SMOC1: variants seen among roughly 807,000 people sequenced by gnomAD.
SMOC1 encodes SPARC-related modular calcium-binding protein 1.
A neutral mutation model predicts 56.3 loss-of-function variants in SMOC1; 22 were observed. The observed-to-expected ratio is 0.39, with a 90% CI of 0.28 to 0.56. SMOC1 has a LOEUF of 0.56. Among genes scored for constraint, SMOC1 ranks in the 20% least tolerant of loss-of-function variants. The pLI is 0.61. For missense variants in SMOC1, 509 were observed against 565.4 expected, an observed-to-expected ratio of 0.90 and a Z score of 1.01; for synonymous variants, 193 against 215.0, an observed-to-expected ratio of 0.90 and a Z score of 0.89.
chr14:70,027,724 G>A (rs926196600), intron 11 of SMOC1, among the ~76,000 whole-genome samples: 2 of 152,206 alleles, frequency 1.3e-5, no homozygotes, highest in Non-Finnish European at 2.9e-5. Flanking sequence ...GCAAAGTGGA[G>A]ATTATAGTAC....
chr14:69,936,133 T>G (rs139841334), intron 1 of SMOC1, among the ~76,000 whole-genome samples: 229 of 152,298 alleles, frequency 1.5e-3, no homozygotes, highest in Non-Finnish European at 1.5e-3. Flanking sequence ...ATTCTCCCAG[T>G]TGACGACATA....
intron 6 of SMOC1, among the ~76,000 whole-genome samples, chr14:69,993,543 C>A (rs1442456284): frequency 6.6e-6 from 1 of 152,220 alleles, no homozygotes; most frequent in African/African-American, 2.4e-5. Context: ...AAAAAGAAAT[C>A]ATGCCACGGG....
chr14:70,009,223 AT>A (rs1885250394), intron 7 of SMOC1, among the ~76,000 whole-genome samples: 2 of 152,128 alleles, frequency 1.3e-5, no homozygotes, highest in Admixed American at 6.5e-5. Flanking sequence ...GCCCTCAGAT[AT>A]TTTTATGCCC....
At position 70,008,011 on chromosome 14, in the gene SMOC1, A is replaced by G. The variant is rs8013344; in HGVS notation, c.665-2743A>G. 6.1e-3 allele frequency among the ~76,000 whole-genome samples: 926 copies of G among 152,340 alleles called. 3 individuals are homozygous for G. The highest frequency in any genetic ancestry group is 0.021 in the African/African-American group (879 of 41,582). ...GATACTGTAATGAAGTAGTAAATCAATAATAAAAATAATAAAATAAAAAAG... is the reference window on the plus strand; with the variant it reads ...GATACTGTAATGAAGTAGTAAATCAGTAATAAAAATAATAAAATAAAAAAG... On this transcript the variant is annotated intron_variant, in intron 7 of 11. Coordinates refer to ENST00000361956, the MANE Select transcript of SMOC1 (RefSeq NM_001034852.3).
At chr14:69,987,380 G>C (rs1884403727) in intron 5 of SMOC1, among the ~76,000 whole-genome samples, 1 of 152,098 alleles carries the variant, frequency 6.6e-6, no homozygotes, top group Non-Finnish European at 1.5e-5. Flanking sequence ...ATTCTCCAAG[G>C]CTTCTCAGTC....
At chr14:69,973,570 G>A (rs984294229) in intron 3 of SMOC1, among the ~76,000 whole-genome samples, 1 of 152,194 alleles carries the variant, frequency 6.6e-6, no homozygotes, top group African/African-American at 2.4e-5. Context: ...TGTGGGACAT[G>A]GTACTGGGGT....
intron 1 of SMOC1, among the ~76,000 whole-genome samples, chr14:69,939,377 A>T (rs1882464556): frequency 1.3e-5 from 2 of 152,222 alleles, no homozygotes; most frequent in Admixed American, 6.5e-5. Flanking sequence ...ACAGCATGGG[A>T]AAAAACCACC....
Position 69,952,122 on chromosome 14 carries a change from CT to C in SMOC1, c.100-10del. On this transcript the variant is annotated splice_polypyrimidine_tract_variant and intron_variant, in intron 1 of 11. Coordinates refer to ENST00000361956, the MANE Select transcript of SMOC1 (RefSeq NM_001034852.3). ...CAAAAGTAACCTCTGTACCCTTTCA[CT>C]TTTTTCCAACCTAGTTTCTAATAAG... The C allele has an allele frequency of 2.5e-6, 4 of 1,614,112 alleles. No homozygotes were observed. The highest frequency in any genetic ancestry group is 1.3e-5 in the African/African-American group (1 of 75,040).
At chr14:70,006,959 G>A (rs1019707724) in intron 7 of SMOC1, among the ~76,000 whole-genome samples, 4 of 152,198 alleles carry the variant, frequency 2.6e-5, no homozygotes, top group Non-Finnish European at 5.9e-5. Context: ...CATTCTATTG[G>A]CCAAAGCAAA....
chr14:69,896,426 G>T (rs1884100909), intron 1 of SMOC1, among the ~76,000 whole-genome samples: 1 of 152,168 alleles, frequency 6.6e-6, no homozygotes, highest in Admixed American at 6.5e-5. Context: ...TTCAAGAAAA[G>T]AAAGATATTA....
chr14:69,952,165 T>G lies in SMOC1; in HGVS notation c.127T>G (p.Cys43Gly). 1 of 1,614,202 alleles carries G rather than the reference T, an allele frequency of 6.2e-7. No individual in the cohort carries two copies. The highest frequency in any genetic ancestry group is 2.2e-5 in the East Asian group (1 of 44,886). ...TCTAATAAGTGACCGTGACCCACAG[T>G]GCAACCTCCACTGCTCCAGGACTCA... ...RFLISDRDPQ[C>G]NLHCSRTQPK... Residue 43 changes from cysteine to glycine, a missense_variant, in exon 2 of 12, where the codon TGC becomes GGC. This residue lies in a region of SMOC1 where 315 missense variants were observed against 333.1 expected (regional missense o/e 0.95). Coordinates refer to ENST00000361956, the MANE Select transcript of SMOC1 (RefSeq NM_001034852.3).
rs770959237 is a variant in SMOC1, at chr14:70,010,741, T to A, written c.665-13T>A. The A allele has an allele frequency of 3.1e-6, 5 of 1,612,732 alleles. No homozygotes were observed. The highest frequency in any genetic ancestry group is 3.4e-6 in the Non-Finnish European group (4 of 1,178,684). On this transcript the variant is annotated splice_polypyrimidine_tract_variant and intron_variant, in intron 7 of 11. Transcript: ENST00000361956. ...GGAGTGATAGTCACCACAGGCTGTG[T>A]CTTCTCTTGCAGAGAAAGTCTATTC... is the stretch of plus-strand genomic sequence containing the variant.
chr14:69,941,341 G>A lies in SMOC1; in HGVS notation c.100-10797G>A, dbSNP rs553274030. 7.2e-5 allele frequency among the ~76,000 whole-genome samples: 11 copies of A among 152,294 alleles called. No individual in the cohort carries two copies. In the South Asian group the frequency reaches 2.3e-3, roughly 32 times the overall value. Reference sequence around the variant, plus strand: ...TAACCACCTCTCAGGAGGAGGCAGCGTGCATGTAGATGCCTAGTGTAGCAC... The same window carrying A: ...TAACCACCTCTCAGGAGGAGGCAGCATGCATGTAGATGCCTAGTGTAGCAC... On this transcript the variant is annotated intron_variant, in intron 1 of 11. Coordinates refer to ENST00000361956, the MANE Select transcript of SMOC1 (RefSeq NM_001034852.3).
chr14:69,961,124 T>A (rs1249753249), intron 3 of SMOC1, among the ~76,000 whole-genome samples: 1 of 151,900 alleles, frequency 6.6e-6, no homozygotes, highest in Non-Finnish European at 1.5e-5. Context: ...ATGATTTGCT[T>A]ATTCTGGACA....
chr14:69,948,341 A>G (rs910994837), intron 1 of SMOC1, among the ~76,000 whole-genome samples: 3 of 152,170 alleles, frequency 2.0e-5, no homozygotes, highest in African/African-American at 7.2e-5. Flanking sequence ...TGAACTTTTT[A>G]TTTGGCCTTA....
intron 1 of SMOC1, among the ~76,000 whole-genome samples, chr14:69,899,649 G>A (rs902669054): frequency 2.0e-5 from 3 of 152,176 alleles, no homozygotes; most frequent in Non-Finnish European, 2.9e-5. Context: ...AAATGGCAAG[G>A]AGATTTTTCT....
intron 10 of SMOC1, among the ~76,000 whole-genome samples, chr14:70,018,399 T>G (rs1305925887): frequency 6.6e-6 from 1 of 152,152 alleles, no homozygotes; most frequent in Non-Finnish European, 1.5e-5. Flanking sequence ...CAAAAAACAG[T>G]GCTACAAAGA....
At chr14:69,883,667 T>C (rs1303140198) in intron 1 of SMOC1, among the ~76,000 whole-genome samples, 2 of 152,224 alleles carry the variant, frequency 1.3e-5, no homozygotes, top group African/African-American at 4.8e-5. Flanking sequence ...CTGGATCATA[T>C]GCTAGTTCTG....
intron 1 of SMOC1, among the ~76,000 whole-genome samples, chr14:69,934,804 CAT>C (rs1207834127): frequency 3.3e-5 from 5 of 152,296 alleles, no homozygotes; most frequent in Non-Finnish European, 5.9e-5. Flanking sequence ...TGTTGGCTGA[CAT>C]ATAATGGAGC....
Sources: allele counts gnomAD v4.1 joint callset (sites outside exome capture counted in the v4.1 genomes callset), GRCh38; gene constraint gnomAD v4.1.1; regional missense constraint gnomAD v4.1.1; transcripts MANE v1.5; gene names NCBI Gene and HGNC (gene_info 2026-07-23, HGNC 2026-07-21).